The following DAB2IP variants were observed in gnomAD, a reference collection of about 807,000 sequenced individuals.
The protein encoded by DAB2IP is DAB2 interacting protein, also known as disabled homolog 2-interacting protein.
A neutral mutation model predicts 107.2 loss-of-function variants in DAB2IP; 28 were observed. The observed-to-expected ratio is 0.26, with a 90% CI of 0.19 to 0.36. DAB2IP has a LOEUF of 0.36. Among genes scored for constraint, DAB2IP ranks in the 10% least tolerant of loss-of-function variants. The probability of loss-of-function intolerance (pLI) is 1.00; values close to 1 mark genes in which losing one functional copy is unlikely to be tolerated. For synonymous variants in DAB2IP, 755 were observed against 706.4 expected, an observed-to-expected ratio of 1.07 and a Z score of -1.09; for missense variants, 1,400 against 1,644.7, an observed-to-expected ratio of 0.85 and a Z score of 2.57.
At chr9:121,604,657 G>C (rs1301294589) in intron 1 of DAB2IP, among the ~76,000 whole-genome samples, 1 of 152,082 alleles carries the variant, frequency 6.6e-6, no homozygotes, top group Non-Finnish European at 1.5e-5. Context: ...ACCTCCATTT[G>C]TTCTCATTGC....
intron 14 of DAB2IP, among the ~76,000 whole-genome samples, chr9:121,778,352 CAGAGCATAGCACCCATCTATA>C (rs1271895347): frequency 2.1e-4 from 32 of 152,192 alleles, no homozygotes; most frequent in African/African-American, 7.5e-4. Context: ...CACAAACATT[CAGAGCATAGCACCCATCTATA>C]TATATGAAGT....
rs759093536 is a variant in DAB2IP, at chr9:121,678,682, G to A, written c.129G>A (p.Ser43=). The change falls in exon 2 of 16, where the codon TCG becomes TCA. Residue 43 remains serine, a synonymous_variant. Transcript: ENST00000408936. ...TCTCTCCTCCTCTGTTGGCAGAGTC[G>A]CCTCAAGAAAGGCCGGGCTCTCGGC... 6.4e-5 allele frequency: 100 copies of A among 1,558,806 alleles called. No individual in the cohort carries two copies. The South Asian group carries it at 8.9e-4, about 14-fold the overall frequency.
chr9:121,697,477 G>A (rs971311637), intron 2 of DAB2IP, among the ~76,000 whole-genome samples: 4 of 152,324 alleles, frequency 2.6e-5, no homozygotes, highest in South Asian at 2.1e-4. Flanking sequence ...CAGAGCTCAC[G>A]CAGAGGTGCA....
At chr9:121,673,579 T>A (rs1425371509) in intron 1 of DAB2IP, among the ~76,000 whole-genome samples, 1 of 151,946 alleles carries the variant, frequency 6.6e-6, no homozygotes, top group Non-Finnish European at 1.5e-5. Context: ...ACTGTATGTC[T>A]GTGATATTAA....
intron 3 of DAB2IP, among the ~76,000 whole-genome samples, chr9:121,731,485 C>T (rs1446678428): frequency 2.0e-5 from 3 of 152,160 alleles, no homozygotes; most frequent in Admixed American, 6.5e-5. Flanking sequence ...TCTAAGGAGG[C>T]GAGGCATAGT....
chr9:121,669,083 T>C (rs1833569622), intron 1 of DAB2IP, among the ~76,000 whole-genome samples: 2 of 151,954 alleles, frequency 1.3e-5, no homozygotes, highest in South Asian at 4.2e-4. Context: ...GCCCAGCTAA[T>C]TTTTGTATTT....
intron 1 of DAB2IP, among the ~76,000 whole-genome samples, chr9:121,613,819 G>T (rs1831173549): frequency 6.6e-6 from 1 of 152,238 alleles, no homozygotes; most frequent in Non-Finnish European, 1.5e-5. Context: ...AATGACCTAT[G>T]CACTTGTTGG....
rs1834456429 is a variant in DAB2IP at position 121,768,412 on chromosome 9, C to T, written c.1698-20C>T. 6.2e-7 allele frequency: 1 copy of T among 1,614,022 alleles called. No individual in the cohort carries two copies. Among genetic ancestry groups the T allele is most frequent in the Non-Finnish European group, 8.5e-7 (1 of 1,179,926 alleles). On this transcript the variant is annotated intron_variant, in intron 9 of 15. Coordinates refer to ENST00000408936, the Ensembl canonical transcript of DAB2IP. ...GCCTGCCTGGGCCCAGTAGTGCTCA[C>T]CCAACTGCCCTCTCTCCAGATTTGG...
chr9:121,610,044 T>C (rs954964252), intron 1 of DAB2IP, among the ~76,000 whole-genome samples: 1 of 129,354 alleles, frequency 7.7e-6, no homozygotes, highest in Non-Finnish European at 1.6e-5. Context: ...TCTGAGCTAC[T>C]TGATTTTGTG....
chr9:121,689,846 G>T (rs1442712209), intron 2 of DAB2IP, among the ~76,000 whole-genome samples: 1 of 152,218 alleles, frequency 6.6e-6, no homozygotes, highest in Admixed American at 6.5e-5. Flanking sequence ...ACTAATCCCC[G>T]CATTGTACAG....
At chr9:121,770,214 G>A (rs1355701399) in intron 10 of DAB2IP, among the ~76,000 whole-genome samples, 1 of 152,244 alleles carries the variant, frequency 6.6e-6, no homozygotes, top group East Asian at 1.9e-4. Context: ...GAGAGGTGGA[G>A]GTGTGGAAAT....
intron 3 of DAB2IP, among the ~76,000 whole-genome samples, chr9:121,750,392 C>T (rs1833030778): frequency 6.6e-6 from 1 of 152,212 alleles, no homozygotes; most frequent in Non-Finnish European, 1.5e-5. Flanking sequence ...ACTGCCCAGC[C>T]CATTACCCTG....
intron 14 of DAB2IP, among the ~76,000 whole-genome samples, chr9:121,779,547 A>G (rs997452019): frequency 3.3e-5 from 5 of 152,178 alleles, no homozygotes; most frequent in African/African-American, 9.7e-5. Flanking sequence ...AATCTGTTCA[A>G]TCCTCTCAGG....
upstream of DAB2IP, among the ~76,000 whole-genome samples, chr9:121,647,944 T>G (rs1832598198): frequency 6.6e-6 from 1 of 151,776 alleles, no homozygotes; most frequent in South Asian, 2.1e-4. Context: ...ATTAATGGCA[T>G]TCCCAGAAAC....
chr9:121,746,822 C>T (rs1832754701), intron 3 of DAB2IP, among the ~76,000 whole-genome samples: 1 of 152,184 alleles, frequency 6.6e-6, no homozygotes, highest in Non-Finnish European at 1.5e-5. Context: ...TCTCGCATCC[C>T]CAGGGCCCTG....
In DAB2IP at chr9:121,662,883, G is replaced by A. The variant is rs1435421728; in HGVS notation, c.124+10984G>A. Among the ~76,000 whole-genome samples the A allele has an allele frequency of 6.6e-6, 1 of 152,172 alleles. No homozygotes were observed. Among genetic ancestry groups the A allele is most frequent in the Admixed American group, 6.5e-5 (1 of 15,282 alleles). On this transcript the variant is annotated intron_variant, in intron 1 of 15. Coordinates refer to ENST00000408936, the Ensembl canonical transcript of DAB2IP. The surrounding 1 kb of genome is among the most constrained non-coding windows in gnomAD (Gnocchi z 4.6). The stretch of plus-strand genomic sequence containing the variant: ...AGCACAGAGTAAATGCCAGCTCTCT[G>A]CCAGCCCTGGAATGGGCCCTGCAGA...
At chr9:121,685,223 A>G (rs1828809565) in intron 2 of DAB2IP, among the ~76,000 whole-genome samples, 1 of 152,142 alleles carries the variant, frequency 6.6e-6, no homozygotes, top group African/African-American at 2.4e-5. Context: ...AAGGAACATT[A>G]CCGTCATTTT....
intron 1 of DAB2IP, among the ~76,000 whole-genome samples, chr9:121,585,129 C>G (rs1475883933): frequency 6.6e-6 from 1 of 152,158 alleles, no homozygotes; most frequent in Non-Finnish European, 1.5e-5. Flanking sequence ...TTTATCTACT[C>G]ACTGCATTGA....
intron 3 of DAB2IP, among the ~76,000 whole-genome samples, chr9:121,738,972 C>G (rs2118885048): frequency 6.6e-6 from 1 of 152,322 alleles, no homozygotes; most frequent in Middle Eastern, 3.4e-3. Flanking sequence ...AGTGAAGTTC[C>G]CCTACTGAAA....
Sources: gnomAD v4.1 joint callset for allele counts (sites outside exome capture counted in the v4.1 genomes callset) on GRCh38, gnomAD v4.1.1 for gene constraint, Gnocchi (gnomAD v3.1) non-coding constraint, MANE v1.5 for transcripts, NCBI Gene and HGNC (gene_info 2026-07-23, HGNC 2026-07-21) for gene names.